Variants in FGGY observed in about 807,000 individuals in gnomAD.
The protein encoded by FGGY is FGGY carbohydrate kinase domain-containing protein.
FGGY carries 72 observed loss-of-function variants against 71.3 expected under a neutral mutation model. The observed-to-expected ratio is 1.01, with a 90% confidence interval of 0.84 to 1.23. The LOEUF (loss-of-function observed/expected upper bound fraction) is 1.23. Among genes scored for constraint, FGGY ranks in the 50% most tolerant of loss-of-function variants. The pLI is 0.00. For synonymous variants in FGGY, 251 were observed against 250.3 expected, an observed-to-expected ratio of 1.00 and a Z score of -0.02; for missense variants, 668 against 682.3, an observed-to-expected ratio of 0.98 and a Z score of 0.23.
chr1:59,602,600 G>A (rs2096588526), intron 8 of FGGY, among the ~76,000 whole-genome samples: 1 of 151,986 alleles, frequency 6.6e-6, no homozygotes. Context: ...ACTTTATATG[G>A]GGCCCCCTGA....
At chr1:59,599,974 A>G (rs775256336) in intron 8 of FGGY, among the ~76,000 whole-genome samples, 10 of 152,202 alleles carry the variant, frequency 6.6e-5, no homozygotes, top group Non-Finnish European at 1.2e-4. Context: ...AAGCTGCTCA[A>G]GGACTTTAGT....
chr1:59,591,564 G>C lies in FGGY; in HGVS notation c.904-16239G>C, dbSNP rs141223349. On this transcript the variant is annotated intron_variant, in intron 8 of 15. Transcript: ENST00000303721. Reference sequence around the variant, plus strand: ...TACTACAAGGCTACAGTAACCAAAAGAGCATGGTACTGGTAACAAAACAGA... The same window carrying C: ...TACTACAAGGCTACAGTAACCAAAACAGCATGGTACTGGTAACAAAACAGA... Among the ~76,000 whole-genome samples the C allele has an allele frequency of 2.6e-3, 394 of 152,176 alleles. 6 individuals are homozygous for C. In the East Asian group the frequency reaches 0.028, roughly 11 times the overall value.
At chr1:59,762,264 A>T (rs1295063415) in intron 15 of FGGY, among the ~76,000 whole-genome samples, 1 of 152,038 alleles carries the variant, frequency 6.6e-6, no homozygotes, top group South Asian at 2.1e-4. Context: ...TAATTTTTGT[A>T]TTTTTAAGAG....
At chr1:59,473,296 C>T (rs1254535047) in intron 6 of FGGY, among the ~76,000 whole-genome samples, 1 of 152,016 alleles carries the variant, frequency 6.6e-6, no homozygotes, top group African/African-American at 2.4e-5. Context: ...GTAACACTCA[C>T]CGCGAAGGTC....
Position 59,563,963 on chromosome 1 carries a change from G to A in FGGY, c.903+9736G>A, listed in dbSNP as rs187192579. On this transcript the variant is annotated intron_variant, in intron 8 of 15. Transcript: ENST00000303721. ...GGAAAGATTCCCTATTTAATAAATG[G>A]TGTTGGGAAAACTGGCTAGCCATAT... 3.1e-3 allele frequency among the ~76,000 whole-genome samples: 478 copies of A among 152,278 alleles called. 2 individuals are homozygous for A. The highest frequency in any genetic ancestry group is 0.011 in the African/African-American group (452 of 41,556).
At chr1:59,614,093 T>A (rs1179453324) in intron 9 of FGGY, among the ~76,000 whole-genome samples, 1 of 152,194 alleles carries the variant, frequency 6.6e-6, no homozygotes, top group Non-Finnish European at 1.5e-5. Context: ...GTACCACTCC[T>A]TCTGAAACTA....
chr1:59,668,213 C>T (rs1350428361), intron 13 of FGGY, among the ~76,000 whole-genome samples: 6 of 152,152 alleles, frequency 3.9e-5, no homozygotes, highest in Non-Finnish European at 8.8e-5. Flanking sequence ...TTTCTGTTGT[C>T]GCAGAGAGTG....
chr1:59,454,441 C>A (rs2091486690), intron 5 of FGGY, among the ~76,000 whole-genome samples: 2 of 152,176 alleles, frequency 1.3e-5, no homozygotes, highest in Non-Finnish European at 2.9e-5. Flanking sequence ...GCTTAAAAAA[C>A]CGTGAATAAT....
chr1:59,314,848 C>T (rs755723957), intron 1 of FGGY, among the ~76,000 whole-genome samples: 1 of 152,194 alleles, frequency 6.6e-6, no homozygotes, highest in Non-Finnish European at 1.5e-5. Context: ...AAGACACAGT[C>T]CTGCATTGCT....
At chr1:59,706,766 T>C (rs2097760067) in intron 14 of FGGY, among the ~76,000 whole-genome samples, 2 of 152,224 alleles carry the variant, frequency 1.3e-5, no homozygotes, top group African/African-American at 4.8e-5. Flanking sequence ...CCTGTGACCT[T>C]AGACCTAACC....
intron 14 of FGGY, among the ~76,000 whole-genome samples, chr1:59,708,251 C>T (rs1456185879): frequency 6.6e-6 from 1 of 152,168 alleles, no homozygotes; most frequent in East Asian, 1.9e-4. Context: ...TTCTTTTCCT[C>T]CCATTTCATT....
chr1:59,433,952 T>A (rs2067903696), intron 5 of FGGY, among the ~76,000 whole-genome samples: 1 of 152,232 alleles, frequency 6.6e-6, no homozygotes, highest in Non-Finnish European at 1.5e-5. Flanking sequence ...GAGACATGAA[T>A]TCAAGATCTG....
In FGGY at chr1:59,651,231, A is replaced by G. The variant is rs767121895; in HGVS notation, c.1222-8988A>G. Reference sequence around the variant, plus strand: ...GCTGAAAAAAATGTATATTCTGTTGATTTGGGGGTGGAGAGTTCTGTAGAA... The same window carrying G: ...GCTGAAAAAAATGTATATTCTGTTGGTTTGGGGGTGGAGAGTTCTGTAGAA... On this transcript the variant is annotated intron_variant, in intron 11 of 15. Transcript: ENST00000303721. Among the ~76,000 whole-genome samples the G allele has an allele frequency of 2.0e-5, 3 of 152,244 alleles. 1 individual carries two copies. Among genetic ancestry groups the G allele is most frequent in the Non-Finnish European group, 4.4e-5 (3 of 68,024 alleles).
chr1:59,487,810 C>T (rs1288315770), intron 6 of FGGY, among the ~76,000 whole-genome samples: 1 of 152,032 alleles, frequency 6.6e-6, no homozygotes, highest in Non-Finnish European at 1.5e-5. Flanking sequence ...CCCACCCCCT[C>T]CCCCTTGCCC....
At chr1:59,411,963 T>C (rs2063669928) in intron 5 of FGGY, among the ~76,000 whole-genome samples, 1 of 152,212 alleles carries the variant, frequency 6.6e-6, no homozygotes, top group African/African-American at 2.4e-5. Context: ...TAATATGATT[T>C]CCACTCTCCC....
intron 6 of FGGY, among the ~76,000 whole-genome samples, chr1:59,499,007 A>G (rs909313252): frequency 2.0e-5 from 3 of 152,248 alleles, no homozygotes; most frequent in Middle Eastern, 3.4e-3. Flanking sequence ...AAGGAGCTCT[A>G]TTTTACAGTT....
At chr1:59,345,907 A>G (rs1163760337) in intron 3 of FGGY, among the ~76,000 whole-genome samples, 1 of 152,248 alleles carries the variant, frequency 6.6e-6, no homozygotes, top group Non-Finnish European at 1.5e-5. Context: ...TCCTGAATGT[A>G]TGCCCAGAAA....
chr1:59,638,884 C>T (rs537179458), intron 11 of FGGY, among the ~76,000 whole-genome samples: 1 of 152,302 alleles, frequency 6.6e-6, no homozygotes, highest in Non-Finnish European at 1.5e-5. Flanking sequence ...ATAAATCCTG[C>T]TCTTAGTGCC....
At chr1:59,752,719 G>C (rs604707) in intron 14 of FGGY, among the ~76,000 whole-genome samples, 93,175 of 152,054 alleles carry the variant, frequency 0.61, 30,155 homozygotes, top group African/African-American at 0.84. Context: ...GTTTCCCCTG[G>C]CCACATGCAG....
Sources: gnomAD v4.1 joint callset for allele counts (sites outside exome capture counted in the v4.1 genomes callset) on GRCh38, gnomAD v4.1.1 for gene constraint, MANE v1.5 for transcripts, NCBI Gene and HGNC (gene_info 2026-07-23, HGNC 2026-07-21) for gene names.